Variants in CRBN observed in about 807,000 individuals in gnomAD.
The protein encoded by CRBN is cereblon, also known as protein cereblon.
CRBN carries 53 observed loss-of-function variants against 62.2 expected under a neutral mutation model. The ratio of observed to expected loss-of-function variants is 0.85; its 90% confidence interval spans 0.68 to 1.07. The LOEUF (loss-of-function observed/expected upper bound fraction) is 1.07, where lower values mean the gene tolerates loss of function less well. Ranked by LOEUF, CRBN falls within the 50% of genes least tolerant of loss-of-function variation. The pLI is 0.00. For synonymous variants in CRBN, 208 were observed against 176.1 expected, an observed-to-expected ratio of 1.18 and a Z score of -1.43; for missense variants, 616 against 531.1, an observed-to-expected ratio of 1.16 and a Z score of -1.57.
At chr3:3,170,105 G>A (rs552478958) in intron 4 of CRBN, among the ~76,000 whole-genome samples, 1 of 151,908 alleles carries the variant, frequency 6.6e-6, no homozygotes, top group Non-Finnish European at 1.5e-5. Flanking sequence ...TCAGCCTCCC[G>A]AACAGCTGGA....
At chr3:3,172,105 T>C (rs1474509371) in intron 4 of CRBN, 2 of 152,310 alleles carry the variant, frequency 1.3e-5, no homozygotes, top group Non-Finnish European at 2.9e-5. Flanking sequence ...AACCCAGCCA[T>C]GACAGCTTTG....
intron 1 of CRBN, among the ~76,000 whole-genome samples, chr3:3,175,607 C>T (rs1156385260): frequency 1.3e-5 from 2 of 152,154 alleles, no homozygotes; most frequent in African/African-American, 4.8e-5. Context: ...AGTCTTGGTA[C>T]ATTACTCTAA....
chr3:3,150,873 A>C lies in CRBN; in HGVS notation c.1321T>G (p.Cys441Gly), dbSNP rs1300645996. ...DEISPDKVILCL is the reference protein window; with the variant it reads ...DEISPDKVILGL ...ATCTCTATCACATCTGTTTACAAGC[A>C]AAGTATTACTTTGTCTGGACTTATT... is the stretch of plus-strand genomic sequence containing the variant. Residue 441 changes from cysteine (C) to glycine (G), a missense_variant, in exon 11 of 11, where the codon TGC becomes GGC. Cys to Gly is a radical substitution (Grantham distance 159). Coordinates refer to ENST00000231948, the MANE Select transcript of CRBN (RefSeq NM_016302.4). 1.2e-6 allele frequency: 2 copies of C among 1,613,640 alleles called. No individual in the cohort carries two copies.
At chr3:3,169,260 G>C (rs1321591340) in intron 4 of CRBN, among the ~76,000 whole-genome samples, 2 of 152,132 alleles carry the variant, frequency 1.3e-5, no homozygotes, top group African/African-American at 4.8e-5. Context: ...CATATGCAGT[G>C]GCTGGTTCTT....
At chr3:3,173,830 G>C (rs768943592) in intron 3 of CRBN, 6 of 541,218 alleles carry the variant, frequency 1.1e-5, no homozygotes, top group Non-Finnish European at 1.6e-5. Flanking sequence ...TCAAATACCA[G>C]AAAGTTAAAT....
At chr3:3,152,875 T>G (rs372475435) in intron 9 of CRBN, 9 of 439,736 alleles carry the variant, frequency 2.0e-5, no homozygotes, top group African/African-American at 1.8e-4. Flanking sequence ...AATATAAAAC[T>G]CAAATGCTTC....
At chr3:3,153,522 A>G in intron 8 of CRBN, 34 bp from the exon 9 acceptor site, 1 of 1,194,858 alleles carries the variant, frequency 8.4e-7, no homozygotes, top group South Asian at 1.2e-5. Context: ...ATTGGTAGGA[A>G]AAACTGGCAT....
intron 5 of CRBN, among the ~76,000 whole-genome samples, chr3:3,159,032 T>A (rs1057487072): frequency 6.6e-6 from 1 of 152,192 alleles, no homozygotes; most frequent in Non-Finnish European, 1.5e-5. Context: ...CACTTCTTCC[T>A]GCCATCATGT....
chr3:3,163,206 G>A (rs1227430640), intron 5 of CRBN, among the ~76,000 whole-genome samples: 4 of 152,186 alleles, frequency 2.6e-5, no homozygotes, highest in Non-Finnish European at 2.9e-5. Flanking sequence ...CTCTATCAAT[G>A]TTTAAGCAAG....
chr3:3,153,580 AG>A, intron 8 of CRBN, 92 bp from the exon 9 acceptor site: 1 of 796,198 alleles, frequency 1.3e-6, no homozygotes, highest in Non-Finnish European at 2.3e-6. Flanking sequence ...TTACTTATAA[AG>A]ATATTGCTCT....
At chr3:3,179,239 T>C (rs1012764465) in intron 1 of CRBN, among the ~76,000 whole-genome samples, 3 of 152,168 alleles carry the variant, frequency 2.0e-5, no homozygotes, top group Admixed American at 6.5e-5. Flanking sequence ...GCTTAGTACA[T>C]GTTAGCTGTC....
chr3:3,172,867 C>G lies in CRBN; in HGVS notation c.436G>C (p.Glu146Gln), dbSNP rs1299142688. ...GTTAEIYAYREEQDFGIEIVK... is the reference protein window; with the variant it reads ...GTTAEIYAYRQEQDFGIEIVK... ...ATCTCAATTCCAAAATCCTGTTCTT[C>G]TCGATAGGCATATATCTCTGCTGTT... Residue 146 changes from glutamate (E) to glutamine (Q), a missense_variant, in exon 4 of 11, where the codon GAA (glutamate) becomes CAA (glutamine). Coordinates refer to ENST00000231948, the MANE Select transcript of CRBN (RefSeq NM_016302.4). 3.1e-6 allele frequency: 5 copies of G among 1,613,548 alleles called. 1 individual carries two copies. In the Middle Eastern group the frequency reaches 5.0e-4, roughly 160 times the overall value.
intron 8 of CRBN, 165 bp from the exon 9 acceptor site, chr3:3,153,653 G>A (rs902227431): frequency 1.6e-6 from 1 of 639,992 alleles, no homozygotes; most frequent in Non-Finnish European, 2.8e-6. Flanking sequence ...GAGCACGAAA[G>A]TCACTGAAAC....
In CRBN at chr3:3,165,726, T is replaced by G. The variant is rs73805650; in HGVS notation, c.687+1908A>C. Among the ~76,000 whole-genome samples the G allele has an allele frequency of 3.9e-3, 599 of 152,298 alleles. 3 individuals are homozygous for G. The highest frequency in any genetic ancestry group is 0.014 in the African/African-American group (574 of 41,568). On this transcript the variant is annotated intron_variant, in intron 5 of 10. Transcript: ENST00000231948. ...AACTTTATTGTGATACTTGTTTTAT[T>G]GCAGCAGTTTGAAACTGAACCTGCA...
At chr3:3,167,273 T>C (rs554425512) in intron 5 of CRBN, among the ~76,000 whole-genome samples, 83 of 152,286 alleles carry the variant, frequency 5.5e-4, no homozygotes, top group African/African-American at 1.9e-3. Context: ...ACTACTACTC[T>C]ACCCCAAAAG....
intron 3 of CRBN, 142 bp downstream of exon 3, chr3:3,173,916 CT>C: frequency 1.4e-6 from 1 of 733,688 alleles, no homozygotes; most frequent in South Asian, 1.5e-5. Context: ...TATCAAACTT[CT>C]ACTTAACCAA....
chr3:3,151,286 A>G (rs1035501472), intron 10 of CRBN, among the ~76,000 whole-genome samples: 7 of 152,210 alleles, frequency 4.6e-5, no homozygotes, highest in African/African-American at 1.2e-4. Context: ...TACTGCATAG[A>G]AATAAAGAGT....
chr3:3,153,031 A>G (rs937484315), intron 9 of CRBN: 6 of 303,420 alleles, frequency 2.0e-5, no homozygotes, highest in African/African-American at 1.3e-4. Flanking sequence ...ACACTGTTAT[A>G]TCAGAGCATC....
At chr3:3,164,593 AG>A in intron 5 of CRBN, among the ~76,000 whole-genome samples, 1 of 152,226 alleles carries the variant, frequency 6.6e-6, no homozygotes. Flanking sequence ...AATGGAACAA[AG>A]TCCGGATGAC....
Sources: allele counts gnomAD v4.1 joint callset (sites outside exome capture counted in the v4.1 genomes callset), GRCh38; gene constraint gnomAD v4.1.1; transcripts MANE v1.5; gene names NCBI Gene and HGNC (gene_info 2026-07-23, HGNC 2026-07-21).